Variants in S100PBP observed in about 807,000 individuals in gnomAD.
S100PBP encodes the protein S100P-binding protein.
In S100PBP, 15 loss-of-function variants were observed where a neutral mutation model predicts 39.9. The ratio of observed to expected loss-of-function variants is 0.38; its 90% CI spans 0.25 to 0.58. The LOEUF is 0.58. Ranked by LOEUF, S100PBP falls within the 20% of genes least tolerant of loss-of-function variation. The pLI, the probability that S100PBP is intolerant of heterozygous loss-of-function variation, is 0.70. For synonymous variants in S100PBP, 178 were observed against 180.3 expected, an observed-to-expected ratio of 0.99 and a Z score of 0.10; for missense variants, 504 against 487.3, an observed-to-expected ratio of 1.03 and a Z score of -0.32.
At chr1:32,823,485 C>G (rs1639179108) in intron 1 of S100PBP, among the ~76,000 whole-genome samples, 1 of 152,184 alleles carries the variant, frequency 6.6e-6, no homozygotes, top group Non-Finnish European at 1.5e-5. Flanking sequence ...GGTTTAAATA[C>G]AACAAAATGA....
At chr1:32,837,650 T>G (rs1164598484) in intron 5 of S100PBP, among the ~76,000 whole-genome samples, 1 of 151,474 alleles carries the variant, frequency 6.6e-6, no homozygotes, top group African/African-American at 2.4e-5. Flanking sequence ...TCTGCCTATC[T>G]CTGCCCCCTC....
At chr1:32,835,783 A>T (rs985756009) in intron 5 of S100PBP, 3 of 150,466 alleles carry the variant, frequency 2.0e-5, no homozygotes, top group Non-Finnish European at 4.4e-5. Flanking sequence ...TTTTCTCACC[A>T]CTCAATTTCC....
At chr1:32,841,437 A>C (rs1169238973) in intron 5 of S100PBP, among the ~76,000 whole-genome samples, 2 of 151,930 alleles carry the variant, frequency 1.3e-5, no homozygotes, top group African/African-American at 4.8e-5. Context: ...CAGGTTTTTA[A>C]AAATTTTATG....
At chr1:32,835,870 C>T (rs1359301278) in intron 5 of S100PBP, 1 of 151,894 alleles carries the variant, frequency 6.6e-6, no homozygotes, top group African/African-American at 2.4e-5. Flanking sequence ...TGTCAGTAGA[C>T]ATTTGGGTTG....
intron 1 of S100PBP, chr1:32,818,132 G>C (rs1252138999): frequency 6.5e-6 from 1 of 152,712 alleles, no homozygotes; most frequent in Non-Finnish European, 1.5e-5. Flanking sequence ...GGTGGTCCCC[G>C]GGAGAGGAGC....
At chr1:32,817,154 C>T (rs781047642), upstream of S100PBP, 1 of 1,613,522 alleles carries the variant, frequency 6.2e-7, no homozygotes, top group Middle Eastern at 1.6e-4. Flanking sequence ...GGCTCCTAAT[C>T]CCCAACGGCG....
At chr1:32,849,826 A>G (rs1449185928) in intron 5 of S100PBP, among the ~76,000 whole-genome samples, 4 of 152,228 alleles carry the variant, frequency 2.6e-5, no homozygotes, top group Non-Finnish European at 4.4e-5. Flanking sequence ...GTCATTAGAC[A>G]TGTGACTTTG....
chr1:32,852,387 A>G (rs917544378), intron 5 of S100PBP, among the ~76,000 whole-genome samples: 1 of 152,046 alleles, frequency 6.6e-6, no homozygotes, highest in Non-Finnish European at 1.5e-5. Flanking sequence ...AATAACATCT[A>G]TCTCCATGTA....
intron 1 of S100PBP, among the ~76,000 whole-genome samples, chr1:32,822,217 A>G (rs1264769087): frequency 2.0e-5 from 3 of 152,184 alleles, no homozygotes; most frequent in Non-Finnish European, 4.4e-5. Flanking sequence ...ATTAGCTATG[A>G]GTTGATAGTC....
chr1:32,840,976 C>T (rs188168776), intron 5 of S100PBP, among the ~76,000 whole-genome samples: 26 of 151,560 alleles, frequency 1.7e-4, no homozygotes, highest in Admixed American at 7.9e-4. Context: ...CTGGCTAACA[C>T]GGTGAAACCC....
At chr1:32,822,190 G>A (rs1639100782) in intron 1 of S100PBP, among the ~76,000 whole-genome samples, 1 of 152,340 alleles carries the variant, frequency 6.6e-6, no homozygotes, top group Admixed American at 6.5e-5. Flanking sequence ...GTAAAGGTGG[G>A]AAGTGGATGG....
At chr1:32,833,370 C>A (rs1005921528) in intron 5 of S100PBP, among the ~76,000 whole-genome samples, 4 of 141,188 alleles carry the variant, frequency 2.8e-5, no homozygotes, top group South Asian at 4.5e-4. Context: ...TTATTATTTT[C>A]TTTTTTTTTT....
chr1:32,817,293 T>C, upstream of S100PBP: 2 of 1,609,954 alleles, frequency 1.2e-6, no homozygotes, highest in Non-Finnish European at 1.7e-6. Context: ...CAGAGCCCCT[T>C]CCTGGGTCAC....
chr1:32,838,907 C>G (rs1008883704), intron 5 of S100PBP, among the ~76,000 whole-genome samples: 9 of 151,574 alleles, frequency 5.9e-5, no homozygotes, highest in Non-Finnish European at 8.8e-5. Context: ...TATTGTTGTA[C>G]AGCCATCACC....
At chr1:32,853,544 G>A (rs1426599168) in intron 6 of S100PBP, among the ~76,000 whole-genome samples, 1 of 151,776 alleles carries the variant, frequency 6.6e-6, no homozygotes, top group Non-Finnish European at 1.5e-5. Flanking sequence ...GTGGGGAGTA[G>A]GGGTTGGAAT....
chr1:32,826,626 C>A lies in S100PBP; in HGVS notation c.527C>A (p.Ser176Tyr). 1 of 1,614,132 alleles carries A rather than the reference C, an allele frequency of 6.2e-7. No homozygotes were observed. The highest frequency in any genetic ancestry group is 8.5e-7 in the Non-Finnish European group (1 of 1,180,026). The change falls in exon 3 of 7, where the codon TCC (serine) becomes TAC (tyrosine). Residue 176 changes from serine (S) to tyrosine (Y), a missense_variant. Ser to Tyr is a moderately radical substitution (Grantham distance 144, BLOSUM62 -2). Coordinates refer to ENST00000373475, the MANE Select transcript of S100PBP (RefSeq NM_022753.4). ...DSSKDTEKLSSLGEEMREDGL... is the reference protein window; with the variant it reads ...DSSKDTEKLSYLGEEMREDGL... ...TCCAAAGATACTGAAAAACTCTCTT[C>A]CCTTGGAGAAGAGATGAGAGAAGAT...
chr1:32,850,184 A>G (rs1640552870), intron 5 of S100PBP, among the ~76,000 whole-genome samples: 1 of 152,186 alleles, frequency 6.6e-6, no homozygotes, highest in African/African-American at 2.4e-5. Context: ...GCAGGTGATA[A>G]GAAATGAGTG....
intron 6 of S100PBP, among the ~76,000 whole-genome samples, chr1:32,854,111 C>G (rs187441250): frequency 2.1e-3 from 314 of 151,948 alleles, no homozygotes; most frequent in South Asian, 4.2e-3. Flanking sequence ...ACTCAAAAAC[C>G]TTGGAATCAT....
At chr1:32,821,663 T>G (rs1639072378) in intron 1 of S100PBP, among the ~76,000 whole-genome samples, 1 of 126,812 alleles carries the variant, frequency 7.9e-6, no homozygotes, top group Non-Finnish European at 1.7e-5. Context: ...TTGATACAGT[T>G]TTACTCTGTC....
Sources: allele counts gnomAD v4.1 joint callset (sites outside exome capture counted in the v4.1 genomes callset), GRCh38; gene constraint gnomAD v4.1.1; transcripts MANE v1.5; gene names NCBI Gene and HGNC (gene_info 2026-07-23, HGNC 2026-07-21).